The following HEBP2 variants were observed in gnomAD, a reference collection of about 807,000 sequenced individuals.
The protein encoded by HEBP2 is heme-binding protein 2.
HEBP2 carries 27 observed loss-of-function variants against 23.1 expected under a neutral mutation model. That is an observed-to-expected ratio of 1.17 (90% CI 0.86 to 1.61). The LOEUF is 1.61. Among genes scored for constraint, HEBP2 ranks in the 40% most tolerant of loss-of-function variants. The pLI, the probability that HEBP2 is intolerant of heterozygous loss-of-function variation, is 0.00. For missense variants in HEBP2, 245 were observed against 253.8 expected (o/e 0.97, Z 0.24); for synonymous variants, 99 against 95.1 (o/e 1.04, Z -0.24).
chr6:138,404,434 G>A lies in HEBP2; in HGVS notation c.-62G>A, dbSNP rs1774597173. The A allele has an allele frequency of 3.6e-6, 4 of 1,111,268 alleles. No individual in the cohort carries two copies. The highest frequency in any genetic ancestry group is 3.4e-6 in the Non-Finnish European group (3 of 883,952). 68.8% of individuals were successfully genotyped at this position (1,111,268 alleles called of 1,614,324 possible). On this transcript the variant is annotated 5_prime_UTR_variant, in exon 1 of 4. Transcript: ENST00000607197. ...CGGCGGGGCGCGCACACGCAGGCGG[G>A]GCGGCCCGGGGTGCGGGGCCTCTGC...
chr6:138,413,241 A>G lies in HEBP2; in HGVS notation c.*163A>G, dbSNP rs182018516. ...CTTTTTAATGCTTGAAGTTTTATCT[A>G]CATACACAGGTAACAGAGGACAGTA... is the stretch of plus-strand genomic sequence containing the variant. On this transcript the variant is annotated 3_prime_UTR_variant, in exon 4 of 4. Coordinates refer to ENST00000607197, the MANE Select transcript of HEBP2 (RefSeq NM_014320.3). 1.1e-4 allele frequency: 67 copies of G among 606,506 alleles called. No individual in the cohort carries two copies. The highest frequency in any genetic ancestry group is 1.9e-4 in the Non-Finnish European group (65 of 342,416). 37.6% of individuals were successfully genotyped at this position (606,506 alleles called of 1,614,324 possible). A position where few individuals can be genotyped will look rare whatever the true frequency, so the allele number is the denominator to read the frequency against.
chr6:138,412,271 C>T (rs569703899), intron 3 of HEBP2: 13 of 326,618 alleles, frequency 4.0e-5, no homozygotes, highest in South Asian at 3.0e-4. Context: ...CCTGTATGCA[C>T]GTTAAAGGTT....
chr6:138,403,647 A>T, upstream of HEBP2: 1 of 435,832 alleles, frequency 2.3e-6, no homozygotes, highest in Non-Finnish European at 4.1e-6. Flanking sequence ...GGCCGGCGGA[A>T]AGGGGGTGCT....
At chr6:138,407,170 A>C (rs1249433967) in intron 3 of HEBP2, among the ~76,000 whole-genome samples, 1 of 152,236 alleles carries the variant, frequency 6.6e-6, no homozygotes, top group Admixed American at 6.5e-5. Flanking sequence ...GTCTTAATTC[A>C]TTCCAGCAAA....
chr6:138,410,134 C>A (rs1774719396), intron 3 of HEBP2, among the ~76,000 whole-genome samples: 1 of 152,262 alleles, frequency 6.6e-6, no homozygotes, highest in Middle Eastern at 3.4e-3. Flanking sequence ...CCCTTCTATT[C>A]TTCTTCTTCT....
chr6:138,413,058 C>A lies in HEBP2; in HGVS notation c.598C>A (p.Pro200Thr), dbSNP rs764372021. 4 of 1,613,218 alleles carry A rather than the reference C, an allele frequency of 2.5e-6. No individual in the cohort carries two copies. The highest frequency in any genetic ancestry group is 2.5e-6 in the Non-Finnish European group (3 of 1,179,622). The change falls in exon 4 of 4, where the codon CCC becomes ACC. Residue 200 changes from proline (P) to threonine (T), a missense_variant. Transcript: ENST00000607197. ...NEVWLIQKNE[P>T]TKENE ...AGTGTGGTTGATTCAAAAAAATGAA[C>A]CCACCAAAGAAAACGAATGAGAAAA...
rs1292097436 is a variant in HEBP2 at position 138,414,818 on chromosome 6, G to A, written c.*1740G>A. The A allele has an allele frequency of 6.6e-6, 1 of 152,246 alleles. No homozygotes were observed. Among genetic ancestry groups the A allele is most frequent in the East Asian group, 1.9e-4 (1 of 5,192 alleles). 9.4% of individuals were successfully genotyped at this position (152,246 alleles called of 1,614,324 possible). On this transcript the variant is annotated 3_prime_UTR_variant, in exon 4 of 4. Coordinates refer to ENST00000607197, the MANE Select transcript of HEBP2 (RefSeq NM_014320.3). ...TCACAGCTGTAATTCCAGCACTTTG[G>A]GAGGCTAAGGTGGGAGGATTGCTTG...
At position 138,413,846 on chromosome 6, in the gene HEBP2, C is replaced by T. The variant is rs1408237965; in HGVS notation, c.*768C>T. 6.6e-6 allele frequency: 1 copy of T among 151,752 alleles called. No homozygotes were observed. Among genetic ancestry groups the T allele is most frequent in the African/African-American group, 2.4e-5 (1 of 41,426 alleles). The allele number at this position is 151,752 out of a possible 1,614,324, so 9.4% of individuals were successfully genotyped here. A position where few individuals can be genotyped will look rare whatever the true frequency, so the allele number is the denominator to read the frequency against. ...TCATCACTGACTTCCTCTTCACTAA[C>T]TCCAACAACATCTTTCCACCTCCTT... On this transcript the variant is annotated 3_prime_UTR_variant, in exon 4 of 4. Transcript: ENST00000607197.
Position 138,413,817 on chromosome 6 carries a change from C to A in HEBP2, c.*739C>A, listed in dbSNP as rs1421598463. On this transcript the variant is annotated 3_prime_UTR_variant, in exon 4 of 4. Transcript: ENST00000607197. The stretch of plus-strand genomic sequence containing the variant: ...GTGGTAAGAAAACCTGTGTCCCAAG[C>A]CCCTCATCACTGACTTCCTCTTCAC... 1 of 152,252 alleles carries A rather than the reference C, an allele frequency of 6.6e-6. No homozygotes were observed. The highest frequency in any genetic ancestry group is 1.5e-5 in the Non-Finnish European group (1 of 68,120). The allele number at this position is 152,252 out of a possible 1,614,324, so 9.4% of individuals were successfully genotyped here. A position where few individuals can be genotyped will look rare whatever the true frequency, so the allele number is the denominator to read the frequency against.
chr6:138,412,977 G>T lies in HEBP2; in HGVS notation c.517G>T (p.Val173Phe). ...AGATGGAAAAGTTTTCGATGAGAAG[G>T]TTTACTACACTGCAGGCTACAACAG... Reference protein sequence around the residue: ...REDGKVFDEKVYYTAGYNSPV... With the variant: ...REDGKVFDEKFYYTAGYNSPV... Residue 173 changes from valine to phenylalanine, a missense_variant, in exon 4 of 4, where the codon GTT (valine) becomes TTT (phenylalanine). Physicochemically the swap from Val to Phe is conservative, Grantham distance 50. Transcript: ENST00000607197. 3.1e-6 allele frequency: 5 copies of T among 1,614,032 alleles called. No individual in the cohort carries two copies. Among genetic ancestry groups the T allele is most frequent in the Non-Finnish European group, 4.2e-6 (5 of 1,179,932 alleles).
intron 2 of HEBP2, 120 bp downstream of exon 2, chr6:138,405,400 C>A: frequency 7.7e-7 from 1 of 1,296,200 alleles, no homozygotes; most frequent in African/African-American, 1.5e-5. Context: ...TCATCAAAGA[C>A]TTGTCTTGTT....
intron 2 of HEBP2, 146 bp downstream of exon 2, chr6:138,405,426 T>A: frequency 9.9e-7 from 1 of 1,008,482 alleles, no homozygotes; most frequent in South Asian, 1.5e-5. Flanking sequence ...ACAAGACTCC[T>A]CAGGACCAGG....
At chr6:138,404,765 C>G (rs575000292) in intron 1 of HEBP2, among the ~76,000 whole-genome samples, 168 bp downstream of exon 1, 104 of 152,350 alleles carry the variant, frequency 6.8e-4, no homozygotes, top group African/African-American at 2.3e-3. Flanking sequence ...GCTCTACCCT[C>G]CCCGCTACCC....
chr6:138,403,756 T>C (rs1369998175), upstream of HEBP2: 1 of 404,036 alleles, frequency 2.5e-6, no homozygotes, highest in East Asian at 3.6e-5. Flanking sequence ...TCTCCCCGAG[T>C]CTCGTTAAGC....
intron 3 of HEBP2, among the ~76,000 whole-genome samples, chr6:138,410,861 ACTCAC>A (rs1774734829): frequency 6.6e-6 from 1 of 152,188 alleles, no homozygotes; most frequent in Non-Finnish European, 1.5e-5. Flanking sequence ...AGTTATATCA[ACTCAC>A]CTGCAGTGTT....
At chr6:138,411,378 C>G (rs1218493326) in intron 3 of HEBP2, among the ~76,000 whole-genome samples, 1 of 152,190 alleles carries the variant, frequency 6.6e-6, no homozygotes, top group East Asian at 1.9e-4. Flanking sequence ...CAGATCTTAT[C>G]AAGTTGCACA....
intron 1 of HEBP2, among the ~76,000 whole-genome samples, chr6:138,404,866 C>T (rs1010313459): frequency 6.6e-6 from 1 of 152,102 alleles, no homozygotes; most frequent in Non-Finnish European, 1.5e-5. Flanking sequence ...GTGGAACCCT[C>T]CGAACCGAGG....
In HEBP2 at chr6:138,413,049, A is replaced by C. The variant is rs776119976; in HGVS notation, c.589A>C (p.Lys197Gln). The C allele has an allele frequency of 6.2e-7, 1 of 1,613,794 alleles. No individual in the cohort carries two copies. The highest frequency in any genetic ancestry group is 1.7e-5 in the Admixed American group (1 of 60,008). The stretch of plus-strand genomic sequence containing the variant: ...AAATAATGAAGTGTGGTTGATTCAA[A>C]AAAATGAACCCACCAAAGAAAACGA... Reference protein sequence around the residue: ...NRNNEVWLIQKNEPTKENE With the variant: ...NRNNEVWLIQQNEPTKENE Residue 197 changes from lysine (K) to glutamine (Q), a missense_variant, in exon 4 of 4, where the codon AAA becomes CAA. Transcript: ENST00000607197.
At position 138,412,922 on chromosome 6, in the gene HEBP2, A is replaced by G. The variant is rs1435575258; in HGVS notation, c.462A>G (p.Gln154=). 1 of 1,614,044 alleles carries G rather than the reference A, an allele frequency of 6.2e-7. No individual in the cohort carries two copies. The highest frequency in any genetic ancestry group is 1.7e-5 in the Admixed American group (1 of 60,006). Reference sequence around the variant, plus strand: ...CTAGTGCCCAAAAGAATCAAGAACAACTTTTGACATTAGCAAGCATTTTAA... The same window carrying G: ...CTAGTGCCCAAAAGAATCAAGAACAGCTTTTGACATTAGCAAGCATTTTAA... ...GFSSAQKNQE[Q]LLTLASILRE... Residue 154 remains glutamine (Q), a synonymous_variant, in exon 4 of 4, where the codon CAA becomes CAG. Coordinates refer to ENST00000607197, the MANE Select transcript of HEBP2 (RefSeq NM_014320.3).
Sources: allele counts gnomAD v4.1 joint callset (sites outside exome capture counted in the v4.1 genomes callset), GRCh38; gene constraint gnomAD v4.1.1; transcripts MANE v1.5; gene names NCBI Gene and HGNC (gene_info 2026-07-23, HGNC 2026-07-21).